Variants in DGCR2 observed in about 807,000 individuals in gnomAD.
DGCR2 encodes integral membrane protein DGCR2/IDD.
Under a neutral mutation model 51.6 loss-of-function variants are expected in DGCR2, and 24 were observed. That is an observed-to-expected ratio of 0.47 (90% CI 0.34 to 0.65). The LOEUF (loss-of-function observed/expected upper bound fraction) is 0.65, where lower values mean the gene tolerates loss of function less well. DGCR2 is among the 30% of genes least tolerant of loss of function. The pLI is 0.01. For synonymous variants in DGCR2, 340 were observed against 315.4 expected (o/e 1.08, Z -0.82); for missense variants, 765 against 772.1 (o/e 0.99, Z 0.11).
Position 19,039,011 on chromosome 22 carries a change from A to G in DGCR2, c.1507T>C (p.Ser503Pro), listed in dbSNP as rs1273065983. The G allele has an allele frequency of 6.2e-7, 1 of 1,612,388 alleles. No individual in the cohort carries two copies. The highest frequency in any genetic ancestry group is 1.3e-5 in the African/African-American group (1 of 74,942). The change falls in exon 10 of 10, where the codon TCT (serine) becomes CCT (proline). Residue 503 changes from serine (S) to proline (P), a missense_variant. Around this residue, in one of 3 missense-constraint regions of DGCR2, gnomAD observed 205 missense variants for 181.4 expected, o/e 1.13. Coordinates refer to ENST00000263196, the MANE Select transcript of DGCR2 (RefSeq NM_005137.3). ...GCAGAGTCTTCCAGGTCTGCCAGAG[A>G]GGCCCCCGCAGTGGGCAGAGGCTGC... ...LEQPLPTAGA[S>P]LADLEDSADS...
chr22:19,075,497 A>G (rs577019873), intron 2 of DGCR2, among the ~76,000 whole-genome samples: 2 of 151,980 alleles, frequency 1.3e-5, no homozygotes, highest in Admixed American at 6.5e-5. Context: ...GTACCTTCAC[A>G]TTAGTTCCAT....
intron 2 of DGCR2, among the ~76,000 whole-genome samples, chr22:19,072,546 A>G (rs1358562747): frequency 2.0e-5 from 3 of 152,224 alleles, no homozygotes; most frequent in Non-Finnish European, 4.4e-5. Flanking sequence ...GAGAGGTTCT[A>G]CTGTACTCAT....
At chr22:19,102,851 GA>G (rs149006848) in intron 1 of DGCR2, among the ~76,000 whole-genome samples, 2,543 of 152,020 alleles carry the variant, frequency 0.017, 73 homozygotes, top group African/African-American at 0.058. Context: ...ACAAAAAATA[GA>G]AAAATTTGCC....
At chr22:19,052,439 CAA>C (rs1491565162) in intron 6 of DGCR2, among the ~76,000 whole-genome samples, 6 of 145,936 alleles carry the variant, frequency 4.1e-5, no homozygotes, top group Admixed American at 1.4e-4. Context: ...CACACACACA[CAA>C]AAGAAAAAAA....
At position 19,039,016 on chromosome 22, in the gene DGCR2, C is replaced by G. The variant is rs370983238; in HGVS notation, c.1502G>C (p.Gly501Ala). The G allele has an allele frequency of 4.3e-6, 7 of 1,612,542 alleles. No individual in the cohort carries two copies. In the East Asian group the frequency reaches 6.7e-5, roughly 15 times the overall value. The change falls in exon 10 of 10, where the codon GGG (glycine) becomes GCG (alanine). Residue 501 changes from glycine (G) to alanine (A), a missense_variant. Around this residue, in one of 3 missense-constraint regions of DGCR2, gnomAD observed 205 missense variants for 181.4 expected, o/e 1.13. Transcript: ENST00000263196. ...RRLEQPLPTAGASLADLEDSA... is the reference protein window; with the variant it reads ...RRLEQPLPTAAASLADLEDSA... ...GTCTTCCAGGTCTGCCAGAGAGGCC[C>G]CCGCAGTGGGCAGAGGCTGCTCCAG...
At chr22:19,040,181 G>A (rs1309074145) in intron 9 of DGCR2, among the ~76,000 whole-genome samples, 5 of 152,298 alleles carry the variant, frequency 3.3e-5, no homozygotes, top group Middle Eastern at 3.4e-3. Context: ...CAGGAAGCTG[G>A]TCCTACCCTG....
intron 2 of DGCR2, among the ~76,000 whole-genome samples, chr22:19,073,354 C>A: frequency 6.6e-6 from 1 of 151,948 alleles, no homozygotes; most frequent in Non-Finnish European, 1.5e-5. Context: ...GTAAAATAAT[C>A]AAAGAGATGG....
At chr22:19,076,151 T>TTATC in intron 2 of DGCR2, among the ~76,000 whole-genome samples, 1 of 151,878 alleles carries the variant, frequency 6.6e-6, no homozygotes, top group Non-Finnish European at 1.5e-5. Flanking sequence ...TTTTATTTAT[T>TTATC]TTTTAAAGTT....
At chr22:19,041,511 G>T in intron 8 of DGCR2, 1 of 611,054 alleles carries the variant, frequency 1.6e-6, no homozygotes, top group Non-Finnish European at 2.9e-6. Context: ...GTCCCTCTGG[G>T]CTGACACTTC....
chr22:19,095,229 G>A (rs945909044), intron 1 of DGCR2, among the ~76,000 whole-genome samples: 1 of 152,158 alleles, frequency 6.6e-6, no homozygotes, highest in East Asian at 1.9e-4. Flanking sequence ...AGGCGTGGTG[G>A]TGCATGCCTA....
intron 1 of DGCR2, among the ~76,000 whole-genome samples, chr22:19,107,307 C>T (rs1466630184): frequency 6.6e-6 from 1 of 152,188 alleles, no homozygotes; most frequent in Non-Finnish European, 1.5e-5. Flanking sequence ...AGTAGGGTTG[C>T]CAAGCGCTAG....
chr22:19,067,943 T>C (rs188133834), intron 3 of DGCR2, among the ~76,000 whole-genome samples, 157 bp downstream of exon 3: 8 of 152,292 alleles, frequency 5.3e-5, no homozygotes, highest in African/African-American at 1.9e-4. Context: ...GCTGGGTGAC[T>C]GCGGGTGGGT....
intron 6 of DGCR2, among the ~76,000 whole-genome samples, chr22:19,051,363 T>C (rs1409139859): frequency 6.6e-6 from 1 of 152,096 alleles, no homozygotes; most frequent in Non-Finnish European, 1.5e-5. Flanking sequence ...AGCTACAGAC[T>C]AGAAAAAATA....
intron 1 of DGCR2, among the ~76,000 whole-genome samples, chr22:19,106,226 G>C (rs1369368723): frequency 6.6e-6 from 1 of 152,170 alleles, no homozygotes; most frequent in Non-Finnish European, 1.5e-5. Context: ...GAGGTGATGA[G>C]GCCCAAAAGA....
At chr22:19,069,356 A>G (rs1371636785) in intron 2 of DGCR2, among the ~76,000 whole-genome samples, 1 of 152,242 alleles carries the variant, frequency 6.6e-6, no homozygotes, top group African/African-American at 2.4e-5. Flanking sequence ...AGACTTTGCA[A>G]TGGTTTTTAT....
chr22:19,120,579 G>A (rs1601324580), intron 1 of DGCR2, among the ~76,000 whole-genome samples: 1 of 152,208 alleles, frequency 6.6e-6, no homozygotes, highest in South Asian at 2.1e-4. Flanking sequence ...AAAAGGAGTC[G>A]GGGACGTCAG....
chr22:19,055,638 A>G (rs1282837905), intron 6 of DGCR2, among the ~76,000 whole-genome samples: 1 of 152,230 alleles, frequency 6.6e-6, no homozygotes, highest in African/African-American at 2.4e-5. Context: ...AAGAGAACCA[A>G]TAAAGGAGTT....
chr22:19,059,140 G>C (rs1422285163), intron 5 of DGCR2, among the ~76,000 whole-genome samples: 1 of 152,232 alleles, frequency 6.6e-6, no homozygotes, highest in East Asian at 1.9e-4. Flanking sequence ...AGTGAAGGAA[G>C]GGGCTGCTGG....
intron 1 of DGCR2, among the ~76,000 whole-genome samples, chr22:19,120,491 G>A (rs1338597866): frequency 6.6e-6 from 1 of 152,138 alleles, no homozygotes; most frequent in Non-Finnish European, 1.5e-5. Flanking sequence ...CTAGGGATGG[G>A]CAGGGGGCAA....
Sources: gnomAD v4.1 joint callset for allele counts (sites outside exome capture counted in the v4.1 genomes callset) on GRCh38, gnomAD v4.1.1 for gene constraint, gnomAD v4.1.1 regional missense constraint, MANE v1.5 for transcripts, NCBI Gene and HGNC (gene_info 2026-07-23, HGNC 2026-07-21) for gene names.